Variants in ATP9B observed in about 807,000 individuals in gnomAD.
ATP9B encodes ATPase phospholipid transporting 9B, also known as probable phospholipid-transporting ATPase IIB.
Under a neutral mutation model 146.1 loss-of-function variants are expected in ATP9B, and 110 were observed. That is an observed-to-expected ratio of 0.75 (90% CI 0.65 to 0.88). ATP9B has a LOEUF of 0.88. Among genes scored for constraint, ATP9B ranks in the 40% least tolerant of loss-of-function variants. The pLI is 0.00. For missense variants in ATP9B, 1,499 were observed against 1,496.4 expected (o/e 1.00, Z -0.03); for synonymous variants, 604 against 569.7 (o/e 1.06, Z -0.86).
chr18:79,146,006 G>T (rs1356091369), intron 6 of ATP9B: 4 of 131,714 alleles, frequency 3.0e-5, no homozygotes, highest in Non-Finnish European at 5.8e-5. Context: ...GGTGTGGAGA[G>T]TGACTGAAGG....
chr18:79,071,006 A>G (rs75486291), intron 1 of ATP9B, among the ~76,000 whole-genome samples: 94 of 136,424 alleles, frequency 6.9e-4, no homozygotes, highest in African/African-American at 2.4e-3. Context: ...GCCATTTATT[A>G]TCTGTGTTCT....
intron 26 of ATP9B, among the ~76,000 whole-genome samples, chr18:79,371,562 A>G (rs2097070783): frequency 6.6e-6 from 1 of 152,194 alleles, no homozygotes; most frequent in Non-Finnish European, 1.5e-5. Context: ...CTACAACTAG[A>G]ATTATAATTC....
Position 79,110,362 on chromosome 18 carries a change from G to C in ATP9B, c.301G>C (p.Gly101Arg). ...GWKFLCTSCCGWLINICRRKK... is the reference protein window; with the variant it reads ...GWKFLCTSCCRWLINICRRKK... ...ATCTTTTGTTTCATACAGTTGCTGT[G>C]GTTGGCTGATAAATATTTGTCGAAG... is the stretch of plus-strand genomic sequence containing the variant. The change falls in exon 3 of 30, where the codon GGT (glycine) becomes CGT (arginine). Residue 101 changes from glycine to arginine, a missense_variant. Transcript: ENST00000426216. 1 of 1,601,716 alleles carries C rather than the reference G, an allele frequency of 6.2e-7. No homozygotes were observed. The highest frequency in any genetic ancestry group is 1.7e-4 in the Middle Eastern group (1 of 5,982).
At chr18:79,301,313 G>A (rs981804332) in intron 13 of ATP9B, among the ~76,000 whole-genome samples, 8 of 152,172 alleles carry the variant, frequency 5.3e-5, no homozygotes, top group Non-Finnish European at 1.2e-4. Context: ...CCAACATGGT[G>A]AAACCCTGGC....
chr18:79,307,776 G>A (rs928706707), intron 15 of ATP9B, among the ~76,000 whole-genome samples: 1 of 152,108 alleles, frequency 6.6e-6, no homozygotes, highest in African/African-American at 2.4e-5. Context: ...ATCACTCTTT[G>A]ATTTTTAGAT....
intron 12 of ATP9B, among the ~76,000 whole-genome samples, chr18:79,256,284 T>TATATATATATACATATATATATATAC (rs1217998447): frequency 8.1e-6 from 1 of 122,898 alleles, no homozygotes; most frequent in Non-Finnish European, 1.8e-5. Flanking sequence ...TATATATATA[T>TATATATATATACATATATATATATAC]ATACATACAT....
At chr18:79,088,970 C>G (rs1003455918) in intron 1 of ATP9B, among the ~76,000 whole-genome samples, 1 of 152,240 alleles carries the variant, frequency 6.6e-6, no homozygotes, top group African/African-American at 2.4e-5. Context: ...TATCCAAGAC[C>G]GTTGGCCATA....
At chr18:79,208,488 G>T (rs777952933) in intron 10 of ATP9B, among the ~76,000 whole-genome samples, 1 of 152,160 alleles carries the variant, frequency 6.6e-6, no homozygotes, top group African/African-American at 2.4e-5. Context: ...GCAGCTTTGT[G>T]TGCTTGTGTT....
intron 12 of ATP9B, among the ~76,000 whole-genome samples, chr18:79,258,357 G>C (rs1361166456): frequency 6.6e-6 from 1 of 152,156 alleles, no homozygotes; most frequent in Non-Finnish European, 1.5e-5. Flanking sequence ...TTTAGCCCAG[G>C]AGGTTGAGGC....
At chr18:79,329,340 A>T in intron 16 of ATP9B, 38 bp downstream of exon 16, 1 of 1,504,674 alleles carries the variant, frequency 6.6e-7, no homozygotes, top group Non-Finnish European at 8.9e-7. Context: ...ATGGCTTCAG[A>T]CATTTTGTTT....
intron 17 of ATP9B, among the ~76,000 whole-genome samples, chr18:79,331,285 G>T (rs1229780709): frequency 6.6e-6 from 1 of 152,076 alleles, no homozygotes; most frequent in Non-Finnish European, 1.5e-5. Flanking sequence ...TCTCCTTCGG[G>T]GTGGTTTGAT....
At position 79,175,544 on chromosome 18, in the gene ATP9B, A is replaced by G. The variant is rs116036266; in HGVS notation, c.779-1269A>G. 3.9e-3 allele frequency among the ~76,000 whole-genome samples: 593 copies of G among 152,342 alleles called. 3 individuals carry two copies. The highest frequency in any genetic ancestry group is 0.014 in the African/African-American group (563 of 41,564). On this transcript the variant is annotated intron_variant, in intron 7 of 29. Coordinates refer to ENST00000426216, the MANE Select transcript of ATP9B (RefSeq NM_198531.5). The stretch of plus-strand genomic sequence containing the variant: ...CACTCACACACAGAGGCACACACAT[A>G]GAAACACAGATTTGCATGCCCTCAC...
chr18:79,231,803 T>TATATATATATACACACAC (rs569726473), intron 11 of ATP9B, among the ~76,000 whole-genome samples: 24 of 114,758 alleles, frequency 2.1e-4, no homozygotes, highest in African/African-American at 7.8e-4. Context: ...TATATATATA[T>TATATATATATACACACAC]ACACACACAC....
intron 2 of ATP9B, among the ~76,000 whole-genome samples, chr18:79,098,569 G>C (rs28787295): frequency 6.6e-6 from 1 of 151,410 alleles, no homozygotes; most frequent in East Asian, 2.0e-4. Flanking sequence ...AAAAGTGGGC[G>C]AAGGACATGA....
intron 15 of ATP9B, among the ~76,000 whole-genome samples, chr18:79,316,114 A>T (rs2096678260): frequency 6.6e-6 from 1 of 152,142 alleles, no homozygotes; most frequent in Non-Finnish European, 1.5e-5. Context: ...TTGATAAACT[A>T]CTCTGCCAGT....
intron 15 of ATP9B, among the ~76,000 whole-genome samples, chr18:79,309,764 ACT>A (rs1236729444): frequency 6.6e-6 from 1 of 152,156 alleles, no homozygotes; most frequent in Non-Finnish European, 1.5e-5. Flanking sequence ...TGGTTACGCA[ACT>A]CTGTGAATAT....
At chr18:79,122,855 T>G (rs1317226466) in intron 4 of ATP9B, among the ~76,000 whole-genome samples, 1 of 152,206 alleles carries the variant, frequency 6.6e-6, no homozygotes, top group Non-Finnish European at 1.5e-5. Flanking sequence ...TTGTCATAAC[T>G]TGTTACCAGC....
At chr18:79,146,873 A>G (rs112826424) in intron 6 of ATP9B, 305 of 152,662 alleles carry the variant, frequency 2.0e-3, no homozygotes, top group Non-Finnish European at 3.4e-3. Flanking sequence ...CAAATAATAA[A>G]ATGCAGACGT....
At chr18:79,236,031 C>T (rs2095838562) in intron 11 of ATP9B, among the ~76,000 whole-genome samples, 1 of 151,978 alleles carries the variant, frequency 6.6e-6, no homozygotes, top group South Asian at 2.1e-4. Flanking sequence ...ATTCCTGGGT[C>T]GTATAGCGTG....
Sources: gnomAD v4.1 joint callset for allele counts (sites outside exome capture counted in the v4.1 genomes callset) on GRCh38, gnomAD v4.1.1 for gene constraint, MANE v1.5 for transcripts, NCBI Gene and HGNC (gene_info 2026-07-23, HGNC 2026-07-21) for gene names.